Variants in NDC80 observed in about 807,000 individuals in gnomAD.
NDC80 encodes NDC80 kinetochore complex component.
NDC80 carries 69 observed loss-of-function variants against 89.3 expected under a neutral mutation model. The observed-to-expected ratio is 0.77, with a 90% confidence interval of 0.64 to 0.94. The LOEUF is 0.94. NDC80 is among the 40% of genes least tolerant of loss of function. NDC80 has a pLI of 0.00. For synonymous variants in NDC80, 243 were observed against 255.6 expected (o/e 0.95, Z 0.47); for missense variants, 593 against 739.6 (o/e 0.80, Z 2.30).
intron 16 of NDC80, among the ~76,000 whole-genome samples, chr18:2,614,734 G>C (rs977843678): frequency 6.6e-6 from 1 of 152,086 alleles, no homozygotes; most frequent in Non-Finnish European, 1.5e-5. Context: ...TATATGCTAG[G>C]GGGCTGTACT....
chr18:2,614,549 AAGGAAGGAAGGAAGG>A lies in NDC80; in HGVS notation c.1792-1887_1792-1873del, dbSNP rs2072766261. 2 of 4,570 alleles carry A rather than the reference AAGGAAGGAAGGAAGG, an allele frequency of 4.4e-4. 1 individual carries two copies. Among genetic ancestry groups the A allele is most frequent in the African/African-American group, 2.6e-3 (2 of 764 alleles). 0.3% of individuals were successfully genotyped at this position (4,570 alleles called of 1,614,324 possible). A position where few individuals can be genotyped will look rare whatever the true frequency, so the allele number is the denominator to read the frequency against. On this transcript the variant is annotated intron_variant, in intron 16 of 16. Transcript: ENST00000261597. ...GAAGGAAGGAAGGAAGGAAGGAAGG[AAGGAAGGAAGGAAGG>A]GAAAGAAAGAAAGAAAGAAAGAAAG...
At position 2,608,697 on chromosome 18, in the gene NDC80, T is replaced by C. The variant is rs759552845; in HGVS notation, c.1558-3T>C. The C allele has an allele frequency of 1.9e-6, 3 of 1,610,272 alleles. No individual in the cohort carries two copies. Among genetic ancestry groups the C allele is most frequent in the Admixed American group, 1.7e-5 (1 of 59,938 alleles). ...ACCCATAACCGTGACTTTATCCTGA[T>C]AGGAAGCAGAGGAAGAGGATGAAAA... On this transcript the variant is annotated splice_polypyrimidine_tract_variant and splice_region_variant and intron_variant, in intron 14 of 16. Coordinates refer to ENST00000261597, the MANE Select transcript of NDC80 (RefSeq NM_006101.3).
intron 10 of NDC80, chr18:2,594,550 T>C (rs7244453): frequency 0.78 from 127,680 of 162,800 alleles, 50,323 homozygotes; most frequent in East Asian, 0.95. Context: ...CTGGAATTAA[T>C]CAAATATGTG....
intron 6 of NDC80, among the ~76,000 whole-genome samples, chr18:2,580,976 G>A (rs935277254): frequency 2.0e-5 from 3 of 151,512 alleles, no homozygotes; most frequent in Admixed American, 6.6e-5. Context: ...TTCTGACCTC[G>A]TGATCCGCCC....
At chr18:2,602,434 T>C (rs1240903596) in intron 13 of NDC80, among the ~76,000 whole-genome samples, 1 of 152,148 alleles carries the variant, frequency 6.6e-6, no homozygotes, top group African/African-American at 2.4e-5. Context: ...ATTCGCAGTT[T>C]CTAAAATATC....
At chr18:2,608,274 C>G (rs1191676771) in intron 14 of NDC80, among the ~76,000 whole-genome samples, 1 of 151,748 alleles carries the variant, frequency 6.6e-6, no homozygotes, top group East Asian at 1.9e-4. Context: ...GGCACAGTCT[C>G]AGCTCACTGC....
chr18:2,586,204 T>C (rs193238095), intron 7 of NDC80, among the ~76,000 whole-genome samples: 218 of 152,302 alleles, frequency 1.4e-3, no homozygotes, highest in Non-Finnish European at 2.2e-3. Context: ...CTGCCTGGGA[T>C]GTAGTTCAAA....
intron 16 of NDC80, among the ~76,000 whole-genome samples, chr18:2,614,614 A>G (rs1405742151): frequency 5.4e-5 from 1 of 18,600 alleles, no homozygotes; most frequent in Non-Finnish European, 1.4e-4. Context: ...AGAAAGAAAG[A>G]AAGAAAGAAA....
chr18:2,590,558 T>C (rs1368500161), intron 10 of NDC80, among the ~76,000 whole-genome samples: 1 of 152,230 alleles, frequency 6.6e-6, no homozygotes, highest in Non-Finnish European at 1.5e-5. Context: ...ACTACCTGTG[T>C]GAAATATCTC....
At chr18:2,573,175 T>A in intron 2 of NDC80, 89 bp downstream of exon 2, 1 of 1,037,392 alleles carries the variant, frequency 9.6e-7, no homozygotes, top group Non-Finnish European at 1.4e-6. Context: ...AGATGTAATA[T>A]GAGTGATGTC....
intron 16 of NDC80, among the ~76,000 whole-genome samples, chr18:2,611,490 C>T (rs1024581659): frequency 3.3e-5 from 5 of 152,122 alleles, no homozygotes; most frequent in African/African-American, 9.7e-5. Flanking sequence ...GAAAACTTAT[C>T]GTACATTTAG....
At chr18:2,581,888 T>A (rs1598365389) in intron 6 of NDC80, among the ~76,000 whole-genome samples, 1 of 152,204 alleles carries the variant, frequency 6.6e-6, no homozygotes, top group African/African-American at 2.4e-5. Context: ...CAAAATCTTG[T>A]GATTTTGTTA....
At position 2,595,600 on chromosome 18, in the gene NDC80, A is replaced by G; in HGVS notation, c.1200A>G (p.Lys400=). The change falls in exon 11 of 17, where the codon AAA becomes AAG. Residue 400 remains lysine (K), a synonymous_variant. Coordinates refer to ENST00000261597, the MANE Select transcript of NDC80 (RefSeq NM_006101.3). The part of the protein sequence containing the change: ...EQQKLWNEEL[K]YARGKEAIET... ...AGAAGTTGTGGAATGAGGAGTTAAAATATGCCAGAGGCAAAGAAGCGGTAT... is the reference window on the plus strand; with the variant it reads ...AGAAGTTGTGGAATGAGGAGTTAAAGTATGCCAGAGGCAAAGAAGCGGTAT... The G allele has an allele frequency of 6.2e-7, 1 of 1,613,418 alleles. No individual in the cohort carries two copies. Among genetic ancestry groups the G allele is most frequent in the Non-Finnish European group, 8.5e-7 (1 of 1,179,558 alleles).
chr18:2,607,171 G>A (rs1598245671), intron 14 of NDC80, among the ~76,000 whole-genome samples: 1 of 152,144 alleles, frequency 6.6e-6, no homozygotes, highest in Non-Finnish European at 1.5e-5. Flanking sequence ...CTTAAACGGT[G>A]TGAAATGTTT....
chr18:2,607,987 A>ATATC (rs1246331294), intron 14 of NDC80, among the ~76,000 whole-genome samples: 1 of 129,202 alleles, frequency 7.7e-6, no homozygotes, highest in Non-Finnish European at 1.7e-5. Context: ...ATATATATAT[A>ATATC]TATATATATA....
At chr18:2,595,276 CATATATATAAT>C (rs1031070966) in intron 10 of NDC80, 129 bp from the exon 11 acceptor site, 2 of 194,088 alleles carry the variant, frequency 1.0e-5, no homozygotes, top group Non-Finnish European at 2.1e-5. Flanking sequence ...ACTATAAAAA[CATATATATAAT>C]ATATATAATA....
Position 2,571,677 on chromosome 18 carries a change from A to C in NDC80, c.-16A>C, listed in dbSNP as rs2072513586. On this transcript the variant is annotated 5_prime_UTR_variant, in exon 1 of 17. Coordinates refer to ENST00000261597, the MANE Select transcript of NDC80 (RefSeq NM_006101.3). The stretch of plus-strand genomic sequence containing the variant: ...TCCCTGGGTCGTGTCAGGAAACTGG[A>C]AAAAAGGTGACTGAATGACATCGGA... The C allele has an allele frequency of 6.6e-6, 1 of 152,302 alleles. No homozygotes were observed. Among genetic ancestry groups the C allele is most frequent in the Non-Finnish European group, 1.5e-5 (1 of 68,136 alleles). 9.4% of individuals were successfully genotyped at this position (152,302 alleles called of 1,614,324 possible). A position where few individuals can be genotyped will look rare whatever the true frequency, so the allele number is the denominator to read the frequency against.
chr18:2,616,487 C>T lies in NDC80; in HGVS notation c.1842C>T (p.Cys614=). The change falls in exon 17 of 17, where the codon TGC becomes TGT. Residue 614 remains cysteine (C), a synonymous_variant. Transcript: ENST00000261597. ...IAKVDREYEE[C]MSEDLSENIK... is the part of the protein sequence containing the mutation. The stretch of plus-strand genomic sequence containing the variant: ...AAGTTGATAGAGAATATGAAGAATG[C>T]ATGTCAGAAGATCTCTCGGAAAATA... 1 of 1,534,824 alleles carries T rather than the reference C, an allele frequency of 6.5e-7. No individual in the cohort carries two copies. The highest frequency in any genetic ancestry group is 8.8e-7 in the Non-Finnish European group (1 of 1,131,910).
chr18:2,593,646 G>T, intron 10 of NDC80: 1 of 171,532 alleles, frequency 5.8e-6, no homozygotes. Context: ...TGAATAACCA[G>T]ATGCTCTTTA....
Sources: gnomAD v4.1 joint callset for allele counts (sites outside exome capture counted in the v4.1 genomes callset) on GRCh38, gnomAD v4.1.1 for gene constraint, MANE v1.5 for transcripts, NCBI Gene and HGNC (gene_info 2026-07-23, HGNC 2026-07-21) for gene names.